Variants in SH3BP4 observed in about 807,000 individuals in gnomAD.
SH3BP4 encodes the protein SH3 domain binding protein 4.
In SH3BP4, 33 loss-of-function variants were observed where a neutral mutation model predicts 65.5. The observed-to-expected ratio is 0.50, with a 90% CI of 0.38 to 0.67. The LOEUF (loss-of-function observed/expected upper bound fraction) is 0.67, where lower values mean the gene tolerates loss of function less well. Ranked by LOEUF, SH3BP4 falls within the 30% of genes least tolerant of loss-of-function variation. The pLI is 0.00. For missense variants in SH3BP4, 1,134 were observed against 1,261.4 expected (o/e 0.90, Z 1.53); for synonymous variants, 552 against 545.5 (o/e 1.01, Z -0.17).
At chr2:234,954,103 T>G (rs180869339) in intron 1 of SH3BP4, among the ~76,000 whole-genome samples, 20 of 152,170 alleles carry the variant, frequency 1.3e-4, no homozygotes, top group African/African-American at 3.6e-4. Flanking sequence ...ATGGCTCACT[T>G]GTTTACTAAA....
chr2:234,955,514 G>T (rs1040971579), intron 1 of SH3BP4, among the ~76,000 whole-genome samples: 1 of 152,122 alleles, frequency 6.6e-6, no homozygotes, highest in Admixed American at 6.6e-5. Flanking sequence ...TGATCCCACC[G>T]TGACCTCGCT....
intron 1 of SH3BP4, chr2:234,953,165 A>G (rs1454841599): frequency 6.6e-6 from 1 of 152,264 alleles, no homozygotes; most frequent in Non-Finnish European, 1.5e-5. Flanking sequence ...TTTATCCGTG[A>G]TAATAATAAA....
At chr2:235,024,047 T>C (rs187853364) in intron 2 of SH3BP4, among the ~76,000 whole-genome samples, 165 of 152,352 alleles carry the variant, frequency 1.1e-3, no homozygotes, top group South Asian at 2.7e-3. Context: ...GATGGATTTT[T>C]CATTGCTTTT....
rs533100768 is a variant in SH3BP4 at position 234,973,013 on chromosome 2, A to G, written c.-207+20843A>G. Among the ~76,000 whole-genome samples the G allele has an allele frequency of 5.9e-5, 9 of 152,324 alleles. No individual in the cohort carries two copies. The South Asian group carries it at 1.2e-3, about 21-fold the overall frequency. On this transcript the variant is annotated intron_variant, in intron 1 of 5. Transcript: ENST00000392011. Reference sequence around the variant, plus strand: ...TCAAGCCTCCTGGTGACTCTAAAGTATGGCCAGCCATTGTCCTTTTGTCTG... The same window carrying G: ...TCAAGCCTCCTGGTGACTCTAAAGTGTGGCCAGCCATTGTCCTTTTGTCTG...
At chr2:234,982,932 TG>T (rs1693432240) in intron 1 of SH3BP4, among the ~76,000 whole-genome samples, 1 of 152,076 alleles carries the variant, frequency 6.6e-6, no homozygotes, top group Non-Finnish European at 1.5e-5. Flanking sequence ...GATGAGGCAG[TG>T]GGGCTGTAAA....
chr2:234,978,855 C>T lies in SH3BP4; in HGVS notation c.-206-16448C>T, dbSNP rs1200194084. The T allele has an allele frequency of 2.0e-5, 3 of 152,180 alleles. No homozygotes were observed. Among genetic ancestry groups the T allele is most frequent in the Non-Finnish European group, 4.4e-5 (3 of 68,066 alleles). 9.4% of individuals were successfully genotyped at this position (152,180 alleles called of 1,614,324 possible). A position where few individuals can be genotyped will look rare whatever the true frequency, so the allele number is the denominator to read the frequency against. ...GTGAGATCCGAGAGTCATGCCGCTG[C>T]GTGGAGGAACATGCTGAACCTCTGG... is the stretch of plus-strand genomic sequence containing the variant. On this transcript the variant is annotated intron_variant, in intron 1 of 5. Coordinates refer to ENST00000392011, the MANE Select transcript of SH3BP4 (RefSeq NM_014521.3). The surrounding 1 kb of genome is among the most constrained non-coding windows in gnomAD (Gnocchi z 4.1).
At position 235,053,703 on chromosome 2, in the gene SH3BP4, C is replaced by G; in HGVS notation, c.2779C>G (p.Pro927Ala). ...CCTGGGCCTGGACAAGATGAAAAACCCCATCACCAAGCGCTGGAAGCACCT... is the reference window on the plus strand; with the variant it reads ...CCTGGGCCTGGACAAGATGAAAAACGCCATCACCAAGCGCTGGAAGCACCT... ...LHLGLDKMKNPITKRWKHLTG... is the reference protein window; with the variant it reads ...LHLGLDKMKNAITKRWKHLTG... Residue 927 changes from proline to alanine, a missense_variant, in exon 6 of 6, where the codon CCC becomes GCC. Pro to Ala is a conservative substitution (Grantham distance 27). Transcript: ENST00000392011. 1 of 1,614,168 alleles carries G rather than the reference C, an allele frequency of 6.2e-7. No homozygotes were observed. Among genetic ancestry groups the G allele is most frequent in the Non-Finnish European group, 8.5e-7 (1 of 1,180,012 alleles).
At position 235,034,354 on chromosome 2, in the gene SH3BP4, G is replaced by A. The variant is rs117092868; in HGVS notation, c.-132-517G>A. On this transcript the variant is annotated intron_variant, in intron 2 of 5. Transcript: ENST00000392011. This position sits in a 1 kb window ranked among gnomAD's most constrained non-coding sequence, Gnocchi z 6.2. ...TGGGGTGCAGGGGGATTTCAGGAGC[G>A]GATTGGGTAGGGAGCATCACCCTTG... Among the ~76,000 whole-genome samples, 102 of 152,266 alleles carry A rather than the reference G, an allele frequency of 6.7e-4. 1 individual carries two copies. The East Asian group carries it at 0.018, about 27-fold the overall frequency.
intron 1 of SH3BP4, among the ~76,000 whole-genome samples, chr2:234,980,836 G>A (rs1025727922): frequency 5.9e-5 from 9 of 152,122 alleles, no homozygotes; most frequent in African/African-American, 1.7e-4. Flanking sequence ...CCTCCCATGC[G>A]GAAATCCTTT....
chr2:235,040,912 T>C lies in SH3BP4; in HGVS notation c.143T>C (p.Val48Ala). 1 of 1,612,224 alleles carries C rather than the reference T, an allele frequency of 6.2e-7. No individual in the cohort carries two copies. Among genetic ancestry groups the C allele is most frequent in the South Asian group, 1.1e-5 (1 of 91,066 alleles). Residue 48 changes from valine to alanine, a missense_variant, in exon 4 of 6, where the codon GTA becomes GCA. Val to Ala is a moderately conservative substitution (Grantham distance 64, BLOSUM62 0). Coordinates refer to ENST00000392011, the MANE Select transcript of SH3BP4 (RefSeq NM_014521.3). The stretch of plus-strand genomic sequence containing the variant: ...GTGCCTTCTCCCAGTGCCTTGCTCG[T>C]AGACAACCCCACACCTTTCGGAAAT... ...IKVPSPSALL[V>A]DNPTPFGNAK...
In SH3BP4 at chr2:235,042,179, C is replaced by A; in HGVS notation, c.1410C>A (p.Ile470=). 1.2e-6 allele frequency: 2 copies of A among 1,614,104 alleles called. No homozygotes were observed. Among genetic ancestry groups the A allele is most frequent in the African/African-American group, 1.3e-5 (1 of 75,014 alleles). Residue 470 remains isoleucine, a synonymous_variant, in exon 4 of 6, where the codon ATC becomes ATA. Coordinates refer to ENST00000392011, the MANE Select transcript of SH3BP4 (RefSeq NM_014521.3). This position sits in a 1 kb window ranked among gnomAD's most constrained non-coding sequence, Gnocchi z 7.3. ...ILYPSTVWDF[I]NKKVTVGLYG... is the part of the protein sequence containing the mutation. Reference sequence around the variant, plus strand: ...ACCCTTCCACCGTGTGGGACTTCATCAATAAAAAAGTCACAGTGGGTCTCT... The same window carrying A: ...ACCCTTCCACCGTGTGGGACTTCATAAATAAAAAAGTCACAGTGGGTCTCT...
chr2:235,019,873 T>TAA (rs199714068), intron 2 of SH3BP4, among the ~76,000 whole-genome samples: 10,720 of 112,346 alleles, frequency 0.095, 1,176 homozygotes, highest in African/African-American at 0.28. Flanking sequence ...TAAAGATTCT[T>TAA]AAAAAAAAAA....
chr2:235,037,001 G>A (rs1194452580), intron 3 of SH3BP4, among the ~76,000 whole-genome samples: 8 of 152,178 alleles, frequency 5.3e-5, no homozygotes, highest in African/African-American at 1.9e-4. Flanking sequence ...GAAGCTTCAC[G>A]CACATCCCAG....
intron 1 of SH3BP4, among the ~76,000 whole-genome samples, chr2:234,986,741 T>A (rs1318840822): frequency 6.6e-6 from 1 of 152,152 alleles, no homozygotes; most frequent in Non-Finnish European, 1.5e-5. Context: ...CATAGGGTTG[T>A]GAAAAGCGAC....
At position 234,978,611 on chromosome 2, in the gene SH3BP4, T is replaced by A. The variant is rs1693248571; in HGVS notation, c.-206-16692T>A. On this transcript the variant is annotated intron_variant, in intron 1 of 5. Coordinates refer to ENST00000392011, the MANE Select transcript of SH3BP4 (RefSeq NM_014521.3). This position sits in a 1 kb window ranked among gnomAD's most constrained non-coding sequence, Gnocchi z 4.1. ...TCCGGGTGACATTGGCATGATTGAATCAGTGCCAGAGCCAAACAGGATGTG... is the reference window on the plus strand; with the variant it reads ...TCCGGGTGACATTGGCATGATTGAAACAGTGCCAGAGCCAAACAGGATGTG... 1.3e-5 allele frequency: 2 copies of A among 152,216 alleles called. No homozygotes were observed. Among genetic ancestry groups the A allele is most frequent in the South Asian group, 4.1e-4 (2 of 4,820 alleles). 9.4% of individuals were successfully genotyped at this position (152,216 alleles called of 1,614,324 possible).
At chr2:234,993,385 G>A (rs1693813629) in intron 1 of SH3BP4, among the ~76,000 whole-genome samples, 1 of 152,218 alleles carries the variant, frequency 6.6e-6, no homozygotes, top group Non-Finnish European at 1.5e-5. Flanking sequence ...TGATGAAGGG[G>A]CCCAGCAGTG....
At chr2:235,006,808 G>C (rs1694310548) in intron 2 of SH3BP4, among the ~76,000 whole-genome samples, 1 of 152,148 alleles carries the variant, frequency 6.6e-6, no homozygotes, top group South Asian at 2.1e-4. Flanking sequence ...GATTCAAAGA[G>C]GGGCTGGGTT....
intron 1 of SH3BP4, among the ~76,000 whole-genome samples, chr2:234,970,590 C>T (rs1338671169): frequency 1.3e-5 from 2 of 152,182 alleles, no homozygotes; most frequent in Non-Finnish European, 2.9e-5. Flanking sequence ...TGTAGTCATT[C>T]CAAACATTAC....
At chr2:234,961,492 G>A (rs904221150) in intron 1 of SH3BP4, among the ~76,000 whole-genome samples, 2 of 151,976 alleles carry the variant, frequency 1.3e-5, no homozygotes, top group South Asian at 2.1e-4. Flanking sequence ...GGCTGGTCTC[G>A]AACTCCCGAC....
Sources: gnomAD v4.1 joint callset for allele counts (sites outside exome capture counted in the v4.1 genomes callset) on GRCh38, gnomAD v4.1.1 for gene constraint, Gnocchi (gnomAD v3.1) non-coding constraint, MANE v1.5 for transcripts, NCBI Gene and HGNC (gene_info 2026-07-23, HGNC 2026-07-21) for gene names.